The following ZC3H18 variants were observed in gnomAD, a reference collection of about 807,000 sequenced individuals.
ZC3H18 encodes the protein zinc finger CCCH domain-containing protein 18.
A neutral mutation model predicts 106.1 loss-of-function variants in ZC3H18; 8 were observed. The ratio of observed to expected loss-of-function variants is 0.08; its 90% CI spans 0.04 to 0.14. ZC3H18 has a LOEUF of 0.14. Ranked by LOEUF, ZC3H18 falls within the 10% of genes least tolerant of loss-of-function variation. The pLI is 1.00. For synonymous variants in ZC3H18, 635 were observed against 522.1 expected (o/e 1.22, Z -2.95); for missense variants, 1,318 against 1,278.4 (o/e 1.03, Z -0.47).
At chr16:88,603,683 C>T (rs976655877) in intron 6 of ZC3H18, among the ~76,000 whole-genome samples, 3 of 146,014 alleles carry the variant, frequency 2.1e-5, no homozygotes, top group African/African-American at 5.1e-5. Context: ...AGTGCAGTGG[C>T]GCAATCTGGG....
chr16:88,623,577 C>T (rs1906105396), intron 10 of ZC3H18: 1 of 627,922 alleles, frequency 1.6e-6, no homozygotes, highest in Admixed American at 3.1e-5. Context: ...GCCTGAGATC[C>T]TCGAGTTGAG....
chr16:88,613,273 G>T (rs938781733), intron 8 of ZC3H18, among the ~76,000 whole-genome samples: 1 of 152,226 alleles, frequency 6.6e-6, no homozygotes, highest in Non-Finnish European at 1.5e-5. Flanking sequence ...TGGACGTTGG[G>T]TTGTTTCCAG....
intron 15 of ZC3H18, among the ~76,000 whole-genome samples, chr16:88,628,323 C>G (rs1160639727): frequency 6.6e-6 from 1 of 152,172 alleles, no homozygotes; most frequent in Non-Finnish European, 1.5e-5. Flanking sequence ...GGTTTGGGTG[C>G]TGCTGGCCTC....
In ZC3H18 at chr16:88,613,477, C is replaced by T. The variant is rs566729007; in HGVS notation, c.1475+1941C>T. Among the ~76,000 whole-genome samples, 3 of 152,210 alleles carry T rather than the reference C, an allele frequency of 2.0e-5. No individual in the cohort carries two copies. In the East Asian group the frequency reaches 5.8e-4, roughly 29 times the overall value. ...CATTCCCGCTAGCCGCATAGGAGGGCGCCATCTCTCTGCATCCTTGTCTGC... is the reference window on the plus strand; with the variant it reads ...CATTCCCGCTAGCCGCATAGGAGGGTGCCATCTCTCTGCATCCTTGTCTGC... On this transcript the variant is annotated intron_variant, in intron 8 of 17. Coordinates refer to ENST00000301011, the MANE Select transcript of ZC3H18 (RefSeq NM_144604.4).
chr16:88,617,091 GC>G (rs1329056440), intron 8 of ZC3H18, among the ~76,000 whole-genome samples: 1 of 152,166 alleles, frequency 6.6e-6, no homozygotes, highest in Non-Finnish European at 1.5e-5. Flanking sequence ...AGGAAACACT[GC>G]CCTGAGCTAT....
rs577678946 is a variant in ZC3H18 at position 88,630,440 on chromosome 16, C to A, written c.2567-45C>A. ...CGGTGAGGCCACCCACACAGCCATTCCCTGTACATCAGGAGGGTGGTCTCA... is the reference window on the plus strand; with the variant it reads ...CGGTGAGGCCACCCACACAGCCATTACCTGTACATCAGGAGGGTGGTCTCA... On this transcript the variant is annotated intron_variant, in intron 16 of 17. Coordinates refer to ENST00000301011, the MANE Select transcript of ZC3H18 (RefSeq NM_144604.4). 25 of 1,535,254 alleles carry A rather than the reference C, an allele frequency of 1.6e-5. No individual in the cohort carries two copies. In the African/African-American group the frequency reaches 2.3e-4, roughly 14 times the overall value.
At position 88,577,427 on chromosome 16, in the gene ZC3H18, G is replaced by A; in HGVS notation, c.304G>A (p.Asp102Asn). The A allele has an allele frequency of 1.2e-6, 2 of 1,607,040 alleles. No homozygotes were observed. The highest frequency in any genetic ancestry group is 2.2e-5 in the East Asian group (1 of 44,750). The change falls in exon 2 of 18, where the codon GAC becomes AAC. Residue 102 changes from aspartate to asparagine, a missense_variant. By Grantham distance (23) the Asp-to-Asn change is conservative. Transcript: ENST00000301011. ...CAGCTCCCCCTGCGAGGAGGAGGGG[G>A]ACGAAGGGGAGGAAGACCGGACAAG... ...PTSSPCEEEGDEGEEDRTSDL... is the reference protein window; with the variant it reads ...PTSSPCEEEGNEGEEDRTSDL...
intron 6 of ZC3H18, among the ~76,000 whole-genome samples, chr16:88,605,099 C>T (rs1904948774): frequency 6.6e-6 from 1 of 152,240 alleles, no homozygotes; most frequent in Non-Finnish European, 1.5e-5. Flanking sequence ...GATGCTGGTC[C>T]AGCACCTCCT....
At chr16:88,601,602 G>C (rs1904753407) in intron 6 of ZC3H18, among the ~76,000 whole-genome samples, 1 of 152,092 alleles carries the variant, frequency 6.6e-6, no homozygotes, top group South Asian at 2.1e-4. Flanking sequence ...GACAGAAGCT[G>C]GCTCCTGGCT....
chr16:88,578,280 C>T (rs1252578863), intron 2 of ZC3H18, among the ~76,000 whole-genome samples: 2 of 152,186 alleles, frequency 1.3e-5, no homozygotes, highest in South Asian at 2.1e-4. Flanking sequence ...TGGTGGGCAC[C>T]TCAACTTCTG....
chr16:88,578,109 G>A (rs376569711), intron 2 of ZC3H18, among the ~76,000 whole-genome samples: 11 of 152,340 alleles, frequency 7.2e-5, no homozygotes, highest in South Asian at 2.1e-4. Flanking sequence ...CAGAAACCAC[G>A]TGGGTTTCCA....
At chr16:88,600,140 G>A (rs1383348747) in intron 6 of ZC3H18, among the ~76,000 whole-genome samples, 192 bp downstream of exon 6, 2 of 152,198 alleles carry the variant, frequency 1.3e-5, no homozygotes, top group East Asian at 3.9e-4. Context: ...CTTCTAGGAA[G>A]GAAGCGTTAG....
chr16:88,617,307 G>A (rs569246831), intron 8 of ZC3H18, among the ~76,000 whole-genome samples: 143 of 152,254 alleles, frequency 9.4e-4, no homozygotes, highest in African/African-American at 3.2e-3. Context: ...TGCGGCTGGA[G>A]ACGGAGTTGT....
chr16:88,574,238 G>A (rs375625219), intron 1 of ZC3H18, among the ~76,000 whole-genome samples: 38 of 151,894 alleles, frequency 2.5e-4, no homozygotes, highest in African/African-American at 8.0e-4. Context: ...ACGGAGTCTC[G>A]CTTAGCCACC....
At position 88,631,230 on chromosome 16, in the gene ZC3H18, G is replaced by T. The variant is rs978713557; in HGVS notation, c.2793G>T (p.Leu931=). Residue 931 remains leucine, a synonymous_variant, in exon 18 of 18, where the codon CTG becomes CTT. Coordinates refer to ENST00000301011, the MANE Select transcript of ZC3H18 (RefSeq NM_144604.4). ...KASTLSRREE[L]LKQLKAVEDA... Reference sequence around the variant, plus strand: ...GCACGCTGTCTCGGCGGGAGGAGCTGCTGAAACAGCTGAAGGCCGTGGAGG... The same window carrying T: ...GCACGCTGTCTCGGCGGGAGGAGCTTCTGAAACAGCTGAAGGCCGTGGAGG... The T allele has an allele frequency of 6.2e-7, 1 of 1,612,952 alleles. No homozygotes were observed. Among genetic ancestry groups the T allele is most frequent in the East Asian group, 2.2e-5 (1 of 44,824 alleles).
intron 3 of ZC3H18, among the ~76,000 whole-genome samples, chr16:88,589,537 G>C (rs75523188): frequency 6.6e-6 from 1 of 152,256 alleles, no homozygotes; most frequent in Non-Finnish European, 1.5e-5. Context: ...GACGTGCTGA[G>C]TGACAGAAGG....
intron 2 of ZC3H18, among the ~76,000 whole-genome samples, chr16:88,583,995 C>G (rs1299594929): frequency 6.6e-6 from 1 of 152,116 alleles, no homozygotes; most frequent in African/African-American, 2.4e-5. Flanking sequence ...CTCTGGGTCC[C>G]TGTCTTGAGT....
At chr16:88,571,267 G>T (rs1443667000) in intron 1 of ZC3H18, among the ~76,000 whole-genome samples, 2 of 152,168 alleles carry the variant, frequency 1.3e-5, no homozygotes, top group African/African-American at 4.8e-5. Flanking sequence ...AATGAGCTTT[G>T]TTCGAACAAC....
At chr16:88,593,403 G>T (rs1165049698) in intron 3 of ZC3H18, among the ~76,000 whole-genome samples, 1 of 152,254 alleles carries the variant, frequency 6.6e-6, no homozygotes, top group Non-Finnish European at 1.5e-5. Context: ...CCCAGGTGGG[G>T]CAGAGGAGGT....
Sources: allele counts gnomAD v4.1 joint callset (sites outside exome capture counted in the v4.1 genomes callset), GRCh38; gene constraint gnomAD v4.1.1; transcripts MANE v1.5; gene names NCBI Gene and HGNC (gene_info 2026-07-23, HGNC 2026-07-21).